The following PARP6 variants were observed in gnomAD, a reference collection of about 807,000 sequenced individuals.
The protein encoded by PARP6 is poly(ADP-ribose) polymerase family member 6.
PARP6 carries 27 observed loss-of-function variants against 92.0 expected under a neutral mutation model. The observed-to-expected ratio is 0.29, with a 90% CI of 0.22 to 0.40. The LOEUF is 0.40. PARP6 is among the 10% of genes least tolerant of loss of function. PARP6 has a pLI of 1.00. For synonymous variants in PARP6, 272 were observed against 281.2 expected, an observed-to-expected ratio of 0.97 and a Z score of 0.33; for missense variants, 501 against 784.5, an observed-to-expected ratio of 0.64 and a Z score of 4.32.
chr15:72,268,985 T>A (rs1413092245), intron 2 of PARP6, among the ~76,000 whole-genome samples: 1 of 152,052 alleles, frequency 6.6e-6, no homozygotes, highest in Non-Finnish European at 1.5e-5. Flanking sequence ...AAAAAACTCA[T>A]CTGTGAAATT....
chr15:72,251,178 A>G, intron 17 of PARP6, 29 bp downstream of exon 17: 3 of 1,496,062 alleles, frequency 2.0e-6, no homozygotes, highest in Non-Finnish European at 2.8e-6. Context: ...CAGAAATTTA[A>G]AGCATTTAGA....
chr15:72,250,992 G>C, intron 17 of PARP6, 38 bp from the exon 18 acceptor site: 1 of 1,471,900 alleles, frequency 6.8e-7, no homozygotes, highest in Non-Finnish European at 9.4e-7. Context: ...GGAAAACAGA[G>C]CAGAAATCGA....
At chr15:72,264,920 G>A (rs184400873) in intron 7 of PARP6, among the ~76,000 whole-genome samples, 161 bp downstream of exon 7, 38 of 152,256 alleles carry the variant, frequency 2.5e-4, no homozygotes, top group Non-Finnish European at 3.7e-4. Flanking sequence ...TAGGTGACAG[G>A]GGATGAAGAT....
intron 16 of PARP6, among the ~76,000 whole-genome samples, chr15:72,252,792 TTCTA>T (rs1248527566): frequency 1.3e-5 from 2 of 152,138 alleles, no homozygotes; most frequent in Non-Finnish European, 2.9e-5. Context: ...GCCCTGTAAT[TTCTA>T]TCTGTCAATT....
chr15:72,266,087 G>T (rs1323504834), intron 4 of PARP6, 96 bp from the exon 5 acceptor site: 2 of 865,510 alleles, frequency 2.3e-6, no homozygotes, highest in African/African-American at 3.3e-5. Context: ...CCAGGAACAG[G>T]AGAAATCAGA....
At chr15:72,269,994 G>A (rs1168216797) in intron 2 of PARP6, among the ~76,000 whole-genome samples, 1 of 151,996 alleles carries the variant, frequency 6.6e-6, no homozygotes, top group Non-Finnish European at 1.5e-5. Flanking sequence ...TTGTTCTGAT[G>A]CATAAAATTT....
intron 7 of PARP6, 128 bp from the exon 8 acceptor site, chr15:72,264,749 G>A (rs1018235919): frequency 1.1e-5 from 8 of 697,312 alleles, no homozygotes; most frequent in African/African-American, 1.8e-5. Flanking sequence ...AGTAACGGTG[G>A]AAGAAAAAAA....
intron 16 of PARP6, among the ~76,000 whole-genome samples, chr15:72,251,772 CAG>C (rs1252011401): frequency 6.6e-6 from 1 of 152,188 alleles, no homozygotes; most frequent in South Asian, 2.1e-4. Flanking sequence ...GAAAAAGAAA[CAG>C]AAGAAACTAG....
chr15:72,250,828 G>A lies in PARP6; in HGVS notation c.1418+17C>T. 10 of 888,514 alleles carry A rather than the reference G, an allele frequency of 1.1e-5. No homozygotes were observed. Among genetic ancestry groups the A allele is most frequent in the African/African-American group, 1.7e-5 (1 of 59,040 alleles). The allele number at this position is 888,514 out of a possible 1,614,324, so 55.0% of individuals were successfully genotyped here. On this transcript the variant is annotated intron_variant, in intron 18 of 23. Coordinates refer to ENST00000569795, the MANE Select transcript of PARP6 (RefSeq NM_001323532.2). Reference sequence around the variant, plus strand: ...GCCCCCTCACCACCCCCACTGCCCAGCCCCCAGCCTCCTCACTGGAAGGCA... The same window carrying A: ...GCCCCCTCACCACCCCCACTGCCCAACCCCCAGCCTCCTCACTGGAAGGCA...
At chr15:72,250,625 A>G (rs912953384) in intron 18 of PARP6, among the ~76,000 whole-genome samples, 1 of 152,234 alleles carries the variant, frequency 6.6e-6, no homozygotes, top group African/African-American at 2.4e-5. Context: ...TTTCACATGT[A>G]AATGTCATTT....
intron 8 of PARP6, among the ~76,000 whole-genome samples, chr15:72,263,603 T>C (rs1351705164): frequency 6.6e-6 from 1 of 152,128 alleles, no homozygotes; most frequent in Non-Finnish European, 1.5e-5. Context: ...AGCTTGTATT[T>C]TACCAGCAAT....
chr15:72,253,929 A>G, intron 15 of PARP6: 1 of 436,746 alleles, frequency 2.3e-6, no homozygotes, highest in South Asian at 1.7e-5. Flanking sequence ...GATATACAGG[A>G]TTTGCTGAGA....
At chr15:72,256,091 C>T (rs2085086363) in intron 14 of PARP6, among the ~76,000 whole-genome samples, 1 of 152,094 alleles carries the variant, frequency 6.6e-6, no homozygotes, top group Non-Finnish European at 1.5e-5. Flanking sequence ...GCCACCGCGC[C>T]CAGCCTACTT....
At chr15:72,247,708 G>A (rs951267421) in intron 20 of PARP6, among the ~76,000 whole-genome samples, 1 of 151,872 alleles carries the variant, frequency 6.6e-6, no homozygotes, top group Non-Finnish European at 1.5e-5. Context: ...TGTCAGATTT[G>A]TTATCTTTTT....
chr15:72,271,532 C>G (rs1239413044), intron 1 of PARP6, among the ~76,000 whole-genome samples: 4 of 152,124 alleles, frequency 2.6e-5, no homozygotes, highest in African/African-American at 7.2e-5. Context: ...TAGCCGGAAA[C>G]GTGGCCTAAT....
intron 20 of PARP6, among the ~76,000 whole-genome samples, chr15:72,246,931 T>C (rs1035684604): frequency 4.6e-5 from 7 of 152,122 alleles, no homozygotes; most frequent in African/African-American, 1.7e-4. Flanking sequence ...ATTTTCTTTG[T>C]ATTTTTAGTA....
chr15:72,260,743 G>A (rs2085763515), intron 9 of PARP6, 55 bp from the exon 10 acceptor site: 5 of 1,335,464 alleles, frequency 3.7e-6, no homozygotes, highest in Non-Finnish European at 3.2e-6. Flanking sequence ...TAGGATCCCT[G>A]GAGGGGACTG....
intron 5 of PARP6, 143 bp from the exon 6 acceptor site, chr15:72,265,616 G>GC (rs1869315453): frequency 1.4e-6 from 1 of 691,946 alleles, no homozygotes; most frequent in South Asian, 1.6e-5. Context: ...CTTAGCTATA[G>GC]CCTTACACCA....
At chr15:72,262,760 C>G (rs2086070155) in intron 8 of PARP6, among the ~76,000 whole-genome samples, 1 of 152,206 alleles carries the variant, frequency 6.6e-6, no homozygotes. Context: ...ACCTGCCCTC[C>G]TTTGTCTTCT....
Sources: allele counts gnomAD v4.1 joint callset (sites outside exome capture counted in the v4.1 genomes callset), GRCh38; gene constraint gnomAD v4.1.1; transcripts MANE v1.5; gene names NCBI Gene and HGNC (gene_info 2026-07-23, HGNC 2026-07-21).